The following C2CD5 variants were observed in gnomAD, a reference collection of about 807,000 sequenced individuals.
The protein encoded by C2CD5 is C2 calcium dependent domain containing 5.
Under a neutral mutation model 130.3 loss-of-function variants are expected in C2CD5, and 109 were observed. That is an observed-to-expected ratio of 0.84 (90% CI 0.72 to 0.98). C2CD5 has a LOEUF of 0.98. Among genes scored for constraint, C2CD5 ranks in the 50% least tolerant of loss-of-function variants. The probability of loss-of-function intolerance (pLI) is 0.00; values close to 1 mark genes in which losing one functional copy is unlikely to be tolerated. For synonymous variants in C2CD5, 454 were observed against 429.2 expected, an observed-to-expected ratio of 1.06 and a Z score of -0.71; for missense variants, 996 against 1,261.8, an observed-to-expected ratio of 0.79 and a Z score of 3.19.
intron 22 of C2CD5, among the ~76,000 whole-genome samples, chr12:22,462,435 C>A (rs1050612344): frequency 1.7e-4 from 26 of 152,078 alleles, no homozygotes; most frequent in African/African-American, 6.3e-4. Flanking sequence ...AAGTGATAAC[C>A]CTGCAAGCCC....
chr12:22,483,178 A>T (rs890057891), intron 13 of C2CD5, among the ~76,000 whole-genome samples: 2 of 152,180 alleles, frequency 1.3e-5, no homozygotes, highest in Non-Finnish European at 2.9e-5. Flanking sequence ...TTTACCCACA[A>T]AAATTAAATA....
Position 22,509,315 on chromosome 12 carries a change from A to AT in C2CD5, c.1039-2497dup, listed in dbSNP as rs1054668190. ...AAAATATTTTCATATAAGATTTTAC[A>AT]TAAGTATGAATAAATGAACCTAAAT... On this transcript the variant is annotated intron_variant, in intron 9 of 26. Transcript: ENST00000446597. Among the ~76,000 whole-genome samples the AT allele has an allele frequency of 1.1e-3, 166 of 152,368 alleles. 1 individual carries two copies. The highest frequency in any genetic ancestry group is 3.8e-3 in the African/African-American group (160 of 41,596).
At position 22,506,768 on chromosome 12, in the gene C2CD5, C is replaced by T. The variant is rs151297499; in HGVS notation, c.1090G>A (p.Val364Ile). ...TAFPPGFLVHVGGVVSARSVK... is the reference protein window; with the variant it reads ...TAFPPGFLVHIGGVVSARSVK... ...GAACGTGCACTAACTACACCCCCAA[C>T]GTGTACAAGGAATCCAGGAGGAAAT... Residue 364 changes from valine to isoleucine, a missense_variant, in exon 10 of 27, where the codon GTT becomes ATT. Physicochemically the swap from Val to Ile is conservative, Grantham distance 29 (BLOSUM62 3). Around this residue, in one of 9 missense-constraint regions of C2CD5, gnomAD observed 156 missense variants for 165.9 expected, o/e 0.94. Coordinates refer to ENST00000446597, the MANE Select transcript of C2CD5 (RefSeq NM_001286176.2). 1.2e-4 allele frequency: 198 copies of T among 1,612,376 alleles called. No homozygotes were observed. Among genetic ancestry groups the T allele is most frequent in the East Asian group, 2.0e-4 (9 of 44,844 alleles).
rs913972054 is a variant in C2CD5, at chr12:22,544,090, C to T, written c.61G>A (p.Ala21Thr). ...ACGAAGGCATCAGTCAGGTCACTAG[C>T]ACGGTCCATCACTGGCAAATGGCGC... is the stretch of plus-strand genomic sequence containing the variant. Reference protein sequence around the residue: ...AGRHLPVMDRASDLTDAFVEV... With the variant: ...AGRHLPVMDRTSDLTDAFVEV... The change falls in exon 2 of 27, where the codon GCT becomes ACT. Residue 21 changes from alanine to threonine, a missense_variant. This residue lies in a region of C2CD5 where 68 missense variants were observed against 154.5 expected (regional missense o/e 0.44). Transcript: ENST00000446597. 1 of 1,613,828 alleles carries T rather than the reference C, an allele frequency of 6.2e-7. No homozygotes were observed. The highest frequency in any genetic ancestry group is 8.5e-7 in the Non-Finnish European group (1 of 1,179,890).
chr12:22,504,517 G>T (rs1434007922), intron 10 of C2CD5, among the ~76,000 whole-genome samples: 1 of 152,016 alleles, frequency 6.6e-6, no homozygotes, highest in Non-Finnish European at 1.5e-5. Context: ...GGTCAGGCTG[G>T]TCTCAAAACT....
chr12:22,498,549 A>T (rs11615469), intron 10 of C2CD5, among the ~76,000 whole-genome samples: 6,270 of 152,276 alleles, frequency 0.041, 167 homozygotes, highest in South Asian at 0.11. Flanking sequence ...TTTTGCTCCT[A>T]AACTAAATGA....
intron 7 of C2CD5, among the ~76,000 whole-genome samples, chr12:22,521,669 T>C (rs1333698344): frequency 1.3e-5 from 2 of 152,218 alleles, no homozygotes; most frequent in East Asian, 1.9e-4. Flanking sequence ...TTAAATGGAA[T>C]ATAAAGCAAA....
intron 24 of C2CD5, 51 bp from the exon 25 acceptor site, chr12:22,457,212 A>T (rs1345332270): frequency 7.8e-7 from 1 of 1,280,348 alleles, no homozygotes; most frequent in Non-Finnish European, 1.1e-6. Flanking sequence ...CTGGTAACAC[A>T]ATTATTCCCT....
At chr12:22,491,793 A>G (rs1476195881) in intron 11 of C2CD5, among the ~76,000 whole-genome samples, 1 of 150,920 alleles carries the variant, frequency 6.6e-6, no homozygotes, top group Non-Finnish European at 1.5e-5. Context: ...AATCACTTGA[A>G]CCCGGGAGGT....
At chr12:22,467,286 CG>C (rs1416112425) in intron 22 of C2CD5, among the ~76,000 whole-genome samples, 1 of 152,052 alleles carries the variant, frequency 6.6e-6, no homozygotes, top group Non-Finnish European at 1.5e-5. Flanking sequence ...TTCTACCACC[CG>C]GCTTCCTGAG....
At position 22,521,588 on chromosome 12, in the gene C2CD5, CT is replaced by C. The variant is rs148849279; in HGVS notation, c.800+1837del. Reference sequence around the variant, plus strand: ...GAGAGAGGGAAAAAAATCTGAATACCTCAAAAAGCTAAACCTGCAATCTGAC... The same window carrying C: ...GAGAGAGGGAAAAAAATCTGAATACCCAAAAAGCTAAACCTGCAATCTGAC... On this transcript the variant is annotated intron_variant, in intron 7 of 26. Transcript: ENST00000446597. 2.7e-3 allele frequency among the ~76,000 whole-genome samples: 409 copies of C among 152,206 alleles called. 8 individuals are homozygous for C. In the East Asian group the frequency reaches 0.05, roughly 18 times the overall value.
intron 7 of C2CD5, among the ~76,000 whole-genome samples, chr12:22,521,340 A>G (rs551105876): frequency 1.3e-5 from 2 of 152,314 alleles, no homozygotes; most frequent in East Asian, 3.9e-4. Flanking sequence ...ATGAGGCTAC[A>G]ACAAGATTAG....
intron 10 of C2CD5, among the ~76,000 whole-genome samples, chr12:22,496,775 C>T (rs971016122): frequency 3.3e-5 from 5 of 151,130 alleles, no homozygotes; most frequent in Non-Finnish European, 5.9e-5. Context: ...TAGATAATAT[C>T]GCAAATCTTT....
chr12:22,528,143 T>A (rs1950893431), intron 3 of C2CD5, among the ~76,000 whole-genome samples: 1 of 152,178 alleles, frequency 6.6e-6, no homozygotes, highest in South Asian at 2.1e-4. Context: ...CAAAAAAATT[T>A]AAATCTCAAT....
intron 25 of C2CD5, 21 bp downstream of exon 25, chr12:22,456,950 A>G: frequency 6.8e-7 from 1 of 1,462,072 alleles, no homozygotes; most frequent in Non-Finnish European, 9.2e-7. Flanking sequence ...TTAAAAAATG[A>G]AATAACTTCT....
chr12:22,452,299 C>A (rs746762145), intron 26 of C2CD5, among the ~76,000 whole-genome samples: 5 of 152,144 alleles, frequency 3.3e-5, no homozygotes, highest in Non-Finnish European at 5.9e-5. Context: ...TCAGGATGTG[C>A]CTGGTTTCCA....
At chr12:22,539,932 C>T (rs890685410) in intron 2 of C2CD5, among the ~76,000 whole-genome samples, 9 of 145,030 alleles carry the variant, frequency 6.2e-5, no homozygotes, top group African/African-American at 1.8e-4. Context: ...GCAGAGTTTA[C>T]AGTGAGCTGA....
At chr12:22,452,450 G>A (rs16924958) in intron 26 of C2CD5, among the ~76,000 whole-genome samples, 2 of 151,674 alleles carry the variant, frequency 1.3e-5, no homozygotes, top group East Asian at 3.9e-4. Flanking sequence ...TCTCCTTCAC[G>A]CCAAATCTTA....
chr12:22,452,542 C>T (rs1938896102), intron 26 of C2CD5, among the ~76,000 whole-genome samples: 1 of 152,066 alleles, frequency 6.6e-6, no homozygotes, highest in Non-Finnish European at 1.5e-5. Context: ...CAAAAACCCT[C>T]CTAGGATGTT....
Sources: gnomAD v4.1 joint callset for allele counts (sites outside exome capture counted in the v4.1 genomes callset) on GRCh38, gnomAD v4.1.1 for gene constraint, gnomAD v4.1.1 regional missense constraint, MANE v1.5 for transcripts, NCBI Gene and HGNC (gene_info 2026-07-23, HGNC 2026-07-21) for gene names.